FUT8: variants seen among roughly 807,000 people sequenced by gnomAD.
FUT8 encodes fucosyltransferase 8.
A neutral mutation model predicts 71.3 loss-of-function variants in FUT8; 29 were observed. The ratio of observed to expected loss-of-function variants is 0.41; its 90% confidence interval spans 0.30 to 0.55. The LOEUF (loss-of-function observed/expected upper bound fraction) is 0.55, where lower values mean the gene tolerates loss of function less well. Ranked by LOEUF, FUT8 falls within the 20% of genes least tolerant of loss-of-function variation. The pLI, the probability that FUT8 is intolerant of heterozygous loss-of-function variation, is 0.34. For synonymous variants in FUT8, 254 were observed against 239.3 expected (o/e 1.06, Z -0.57); for missense variants, 544 against 702.1 (o/e 0.77, Z 2.55).
chr14:65,523,741 A>G (rs1163917341), intron 2 of FUT8, among the ~76,000 whole-genome samples: 4 of 152,114 alleles, frequency 2.6e-5, no homozygotes, highest in Non-Finnish European at 5.9e-5. Context: ...ATCTTGAATT[A>G]ATTTTTGTAT....
chr14:65,440,669 T>C (rs1055838599), intron 1 of FUT8, among the ~76,000 whole-genome samples: 3 of 152,190 alleles, frequency 2.0e-5, no homozygotes, highest in African/African-American at 7.2e-5. Context: ...ATTGTATCCA[T>C]CTGGAGTTCC....
intron 3 of FUT8, among the ~76,000 whole-genome samples, chr14:65,590,603 A>T (rs1220618862): frequency 6.6e-6 from 1 of 152,150 alleles, no homozygotes; most frequent in Non-Finnish European, 1.5e-5. Flanking sequence ...CTAAATGTGG[A>T]TTAGTATCTG....
At chr14:65,677,152 G>GCGCGCGCGCGCGCA (rs768157429) in intron 7 of FUT8, among the ~76,000 whole-genome samples, 5 of 59,480 alleles carry the variant, frequency 8.4e-5, no homozygotes, top group East Asian at 3.9e-4. Flanking sequence ...GTGTGTGTGT[G>GCGCGCGCGCGCGCA]CGCGCGCGCA....
chr14:65,716,882 A>T (rs1396052777), intron 7 of FUT8, among the ~76,000 whole-genome samples: 1 of 147,010 alleles, frequency 6.8e-6, no homozygotes, highest in African/African-American at 2.5e-5. Flanking sequence ...CTCACCTCCC[A>T]GACGGGGCGG....
intron 1 of FUT8, among the ~76,000 whole-genome samples, chr14:65,424,539 C>CTTTTTTTTTTTTT (rs796843891): frequency 8.0e-6 from 1 of 125,448 alleles, no homozygotes; most frequent in Non-Finnish European, 1.7e-5. Context: ...CTTTTCTTTT[C>CTTTTTTTTTTTTT]TTTTTTTTTT....
intron 7 of FUT8, among the ~76,000 whole-genome samples, chr14:65,673,436 T>G (rs1444044991): frequency 6.6e-6 from 1 of 152,238 alleles, no homozygotes; most frequent in African/African-American, 2.4e-5. Flanking sequence ...TAAAATATGT[T>G]GTGCTAATGT....
At chr14:65,415,355 C>G (rs892568962) in intron 1 of FUT8, among the ~76,000 whole-genome samples, 11 of 152,076 alleles carry the variant, frequency 7.2e-5, no homozygotes, top group African/African-American at 2.7e-4. Flanking sequence ...TTGTGTATTA[C>G]AAATTAGTTT....
Position 65,685,438 on chromosome 14 carries a change from C to G in FUT8, c.835+15958C>G, listed in dbSNP as rs1893237750. Among the ~76,000 whole-genome samples, 3 of 152,066 alleles carry G rather than the reference C, an allele frequency of 2.0e-5. No homozygotes were observed. In the South Asian group the frequency reaches 6.2e-4, roughly 32 times the overall value. Reference sequence around the variant, plus strand: ...TCCTTCACTTTGGACAGTTGTATGCCATGCTATTGTAGGTTAACCCTATTA... The same window carrying G: ...TCCTTCACTTTGGACAGTTGTATGCGATGCTATTGTAGGTTAACCCTATTA... On this transcript the variant is annotated intron_variant, in intron 7 of 10. Coordinates refer to ENST00000673929, the MANE Select transcript of FUT8 (RefSeq NM_001371533.1).
At chr14:65,686,008 A>C (rs935222790) in intron 7 of FUT8, among the ~76,000 whole-genome samples, 6 of 152,194 alleles carry the variant, frequency 3.9e-5, no homozygotes, top group African/African-American at 1.4e-4. Flanking sequence ...AATGCAGCCC[A>C]GTAGGTCTTA....
chr14:65,592,308 G>A (rs1405896839), intron 3 of FUT8, among the ~76,000 whole-genome samples: 1 of 152,046 alleles, frequency 6.6e-6, no homozygotes. Flanking sequence ...GATTTGAGTG[G>A]TGGGGGAGAA....
intron 2 of FUT8, among the ~76,000 whole-genome samples, chr14:65,523,331 T>G (rs571776071): frequency 1.3e-5 from 2 of 152,266 alleles, no homozygotes; most frequent in Non-Finnish European, 2.9e-5. Flanking sequence ...CCAGTGATGA[T>G]GAGCATTTTT....
At chr14:65,431,850 A>C (rs773681545) in intron 1 of FUT8, among the ~76,000 whole-genome samples, 9 of 152,014 alleles carry the variant, frequency 5.9e-5, no homozygotes, top group Non-Finnish European at 1.3e-4. Flanking sequence ...ATCATTAATT[A>C]ACTCTTTTAT....
intron 10 of FUT8, among the ~76,000 whole-genome samples, chr14:65,740,665 G>A (rs1428246810): frequency 6.6e-6 from 1 of 151,950 alleles, no homozygotes; most frequent in Non-Finnish European, 1.5e-5. Flanking sequence ...GGAGCAGGAG[G>A]AAGAGAATTG....
chr14:65,659,982 G>C (rs1323951227), intron 6 of FUT8, among the ~76,000 whole-genome samples: 2 of 152,124 alleles, frequency 1.3e-5, no homozygotes. Context: ...GAAAAGTTGA[G>C]GTGCTTGAGA....
At chr14:65,694,804 A>T (rs1283220736) in intron 7 of FUT8, among the ~76,000 whole-genome samples, 1 of 149,958 alleles carries the variant, frequency 6.7e-6, no homozygotes, top group Non-Finnish European at 1.5e-5. Context: ...CAAAAAACCA[A>T]ACACCGCATA....
chr14:65,664,006 A>G (rs1214582840), intron 6 of FUT8, among the ~76,000 whole-genome samples: 1 of 152,108 alleles, frequency 6.6e-6, no homozygotes, highest in Non-Finnish European at 1.5e-5. Flanking sequence ...ATGTAATAGT[A>G]GGGGAAATTG....
intron 7 of FUT8, among the ~76,000 whole-genome samples, chr14:65,697,967 G>A (rs1894080339): frequency 1.3e-5 from 2 of 149,500 alleles, no homozygotes; most frequent in Non-Finnish European, 3.0e-5. Context: ...CTCCAGCTTG[G>A]ACAACAAGAG....
At chr14:65,610,801 A>T (rs920468200) in intron 3 of FUT8, among the ~76,000 whole-genome samples, 7 of 151,940 alleles carry the variant, frequency 4.6e-5, no homozygotes, top group African/African-American at 1.7e-4. Context: ...TTTTGTCTAT[A>T]GGAAGAATTA....
upstream of FUT8, among the ~76,000 whole-genome samples, chr14:65,406,979 A>G (rs76885420): frequency 4.8e-3 from 734 of 152,258 alleles, 7 homozygotes; most frequent in African/African-American, 0.017. Context: ...GGATCCTACA[A>G]TGTGGTGTCC....
Sources: gnomAD v4.1 joint callset for allele counts (sites outside exome capture counted in the v4.1 genomes callset) on GRCh38, gnomAD v4.1.1 for gene constraint, MANE v1.5 for transcripts, NCBI Gene and HGNC (gene_info 2026-07-23, HGNC 2026-07-21) for gene names.